SPMIP2: variants seen among roughly 807,000 people sequenced by gnomAD.
SPMIP2 encodes the protein sperm microtubule inner protein 2.
the SPMIP2 span, chr4:158,915,364 A>C: frequency 6.2e-7 from 1 of 1,604,014 alleles, no homozygotes; most frequent in South Asian, 1.1e-5. Context: ...GGTTGCCTGG[A>C]ATAGGAACAA....
At chr4:158,901,021 A>C in the SPMIP2 span, among the ~76,000 whole-genome samples, 1 of 151,914 alleles carries the variant, frequency 6.6e-6, no homozygotes, top group South Asian at 2.1e-4. Context: ...CTTGTAAGGC[A>C]GGCCTGGTGG....
the SPMIP2 span, among the ~76,000 whole-genome samples, chr4:159,068,132 G>C: frequency 6.6e-6 from 1 of 152,090 alleles, no homozygotes; most frequent in African/African-American, 2.4e-5. Context: ...ACTAGAAATA[G>C]CATTTGACCC....
chr4:159,029,572 T>A, the SPMIP2 span, among the ~76,000 whole-genome samples: 2 of 152,220 alleles, frequency 1.3e-5, no homozygotes, highest in Non-Finnish European at 2.9e-5. Flanking sequence ...GGAAGTAACT[T>A]ATGCTCTAAC....
chr4:158,909,416 G>A, the SPMIP2 span: 3 of 151,446 alleles, frequency 2.0e-5, no homozygotes, highest in Admixed American at 6.6e-5. Context: ...CTGTGTACTC[G>A]GGTGAAACAG....
the SPMIP2 span, among the ~76,000 whole-genome samples, chr4:158,953,177 C>A: frequency 6.6e-6 from 1 of 152,150 alleles, no homozygotes; most frequent in African/African-American, 2.4e-5. Context: ...TCATGACAGC[C>A]CCTCCCATCA....
At chr4:159,063,806 T>C in the SPMIP2 span, among the ~76,000 whole-genome samples, 1 of 152,154 alleles carries the variant, frequency 6.6e-6, no homozygotes, top group Admixed American at 6.5e-5. Flanking sequence ...ATTTTTTGAA[T>C]CAACAAAATT....
At chr4:158,982,580 C>T in the SPMIP2 span, among the ~76,000 whole-genome samples, 4 of 152,248 alleles carry the variant, frequency 2.6e-5, no homozygotes, top group South Asian at 2.1e-4. Context: ...CACTCAAAAC[C>T]GCACAACTAC....
At chr4:158,992,870 GC>G in the SPMIP2 span, among the ~76,000 whole-genome samples, 2 of 152,132 alleles carry the variant, frequency 1.3e-5, no homozygotes, top group Admixed American at 6.5e-5. Flanking sequence ...TCTCTTAAAG[GC>G]CCCGCCTCTT....
At chr4:158,983,364 T>G in the SPMIP2 span, among the ~76,000 whole-genome samples, 1 of 151,348 alleles carries the variant, frequency 6.6e-6, no homozygotes, top group East Asian at 1.9e-4. Context: ...AATTGTCAGA[T>G]TCACCAAAGT....
the SPMIP2 span, among the ~76,000 whole-genome samples, chr4:159,034,465 C>T: frequency 1.3e-5 from 2 of 152,326 alleles, no homozygotes; most frequent in South Asian, 2.1e-4. Context: ...AAAAGCTATG[C>T]TAATTCAAAT....
the SPMIP2 span, among the ~76,000 whole-genome samples, chr4:158,979,983 G>C: frequency 1.3e-5 from 2 of 152,048 alleles, no homozygotes; most frequent in South Asian, 4.2e-4. Flanking sequence ...ACGGCAGTCT[G>C]AAACCGACCT....
the SPMIP2 span, among the ~76,000 whole-genome samples, chr4:158,989,542 G>A: frequency 9.9e-5 from 15 of 152,058 alleles, no homozygotes; most frequent in South Asian, 1.0e-3. Flanking sequence ...TATATAGACC[G>A]ATGGAACAGA....
chr4:158,968,072 C>T, the SPMIP2 span, among the ~76,000 whole-genome samples: 1 of 152,202 alleles, frequency 6.6e-6, no homozygotes, highest in Non-Finnish European at 1.5e-5. Context: ...CTCTGTCACC[C>T]AGGCTGGAAC....
At chr4:158,993,410 ATG>A in the SPMIP2 span, among the ~76,000 whole-genome samples, 1 of 152,110 alleles carries the variant, frequency 6.6e-6, no homozygotes, top group East Asian at 1.9e-4. Flanking sequence ...CCCAACTACA[ATG>A]TGTGTTAATA....
chr4:158,986,322 G>A, the SPMIP2 span, among the ~76,000 whole-genome samples: 4 of 152,020 alleles, frequency 2.6e-5, no homozygotes, highest in African/African-American at 9.7e-5. Flanking sequence ...AGCCCGCATT[G>A]CCAAGTCAAT....
the SPMIP2 span, among the ~76,000 whole-genome samples, chr4:158,986,964 G>A: frequency 1.4e-5 from 2 of 141,374 alleles, no homozygotes; most frequent in East Asian, 2.0e-4. Flanking sequence ...ATCAAAAAGT[G>A]GGCGAAGGAC....
the SPMIP2 span, among the ~76,000 whole-genome samples, chr4:158,988,970 T>C: frequency 6.6e-6 from 1 of 152,186 alleles, no homozygotes; most frequent in Non-Finnish European, 1.5e-5. Context: ...GACATAATTA[T>C]ATCTTTACAA....
At chr4:158,937,980 A>G in the SPMIP2 span, among the ~76,000 whole-genome samples, 5 of 152,242 alleles carry the variant, frequency 3.3e-5, no homozygotes, top group African/African-American at 1.2e-4. Context: ...CAAGACAGCA[A>G]AAATGTTTAT....
At chr4:158,942,539 C>T in the SPMIP2 span, among the ~76,000 whole-genome samples, 1 of 152,196 alleles carries the variant, frequency 6.6e-6, no homozygotes, top group Non-Finnish European at 1.5e-5. Flanking sequence ...GAGGCCAAGG[C>T]AGGCGGATCA....
Sources: gnomAD v4.1 joint callset for allele counts (sites outside exome capture counted in the v4.1 genomes callset) on GRCh38, gnomAD v4.1.1 for gene constraint, MANE v1.5 for transcripts, NCBI Gene and HGNC (gene_info 2026-07-23, HGNC 2026-07-21) for gene names.